The following CMTM4 variants were observed in gnomAD, a reference collection of about 807,000 sequenced individuals.
CMTM4 encodes CKLF-like MARVEL transmembrane domain-containing protein 4.
In CMTM4, 8 loss-of-function variants were observed where a neutral mutation model predicts 19.0. The ratio of observed to expected loss-of-function variants is 0.42; its 90% CI spans 0.25 to 0.76. The LOEUF is 0.76. Among genes scored for constraint, CMTM4 ranks in the 30% least tolerant of loss-of-function variants. The pLI is 0.27. For synonymous variants in CMTM4, 106 were observed against 121.1 expected, an observed-to-expected ratio of 0.88 and a Z score of 0.82; for missense variants, 228 against 290.2, an observed-to-expected ratio of 0.79 and a Z score of 1.56.
the CMTM4 span, chr16:66,604,448 G>A: frequency 1.1e-5 from 2 of 184,982 alleles, no homozygotes; most frequent in African/African-American, 2.3e-5. Context: ...CGGAGACAGC[G>A]AGTATAGACA....
In CMTM4 at chr16:66,679,962, C is replaced by T. The variant is rs150806300; in HGVS notation, c.186+16378G>A. ...GACTGCACAGCTCCCCACCAGCTAG[C>T]CAGTTATTGACCCCAATAGGCTTCT... On this transcript the variant is annotated intron_variant, in intron 1 of 3. Transcript: ENST00000394106. Among the ~76,000 whole-genome samples the T allele has an allele frequency of 5.0e-4, 76 of 152,272 alleles. 1 individual carries two copies. In the East Asian group the frequency reaches 0.014, roughly 29 times the overall value.
chr16:66,652,506 T>C (rs186781173), intron 1 of CMTM4, among the ~76,000 whole-genome samples: 1 of 152,362 alleles, frequency 6.6e-6, no homozygotes, highest in Admixed American at 6.5e-5. Context: ...TATTTTGGAA[T>C]TCTAAAGCCA....
intron 1 of CMTM4, among the ~76,000 whole-genome samples, chr16:66,671,206 AC>A: frequency 6.6e-6 from 1 of 152,178 alleles, no homozygotes; most frequent in Admixed American, 6.6e-5. Flanking sequence ...AAGACACTTC[AC>A]CAGATGTGCG....
chr16:66,683,145 ATG>A (rs1567432030), intron 1 of CMTM4, among the ~76,000 whole-genome samples: 29 of 127,574 alleles, frequency 2.3e-4, no homozygotes, highest in Admixed American at 7.1e-4. Flanking sequence ...ATATATATAT[ATG>A]TATATATATA....
chr16:66,628,994 G>A (rs1368722789), intron 2 of CMTM4, among the ~76,000 whole-genome samples: 1 of 152,008 alleles, frequency 6.6e-6, no homozygotes, highest in Non-Finnish European at 1.5e-5. Flanking sequence ...TTATCTTCTA[G>A]TTTTTGGGGT....
In CMTM4 at chr16:66,620,629, T is replaced by A; in HGVS notation, c.*1429A>T. On this transcript the variant is annotated 3_prime_UTR_variant, in exon 4 of 4. Coordinates refer to ENST00000394106, the MANE Select transcript of CMTM4 (RefSeq NM_181521.3). ...ATTACACAGTACGCTGCTAAAGCTG[T>A]CAACATTTGTCAGCACTTGATCTTG... 1.0e-6 allele frequency: 1 copy of A among 985,730 alleles called. No individual in the cohort carries two copies. The highest frequency in any genetic ancestry group is 1.2e-6 in the Non-Finnish European group (1 of 829,928). 61.1% of individuals were successfully genotyped at this position (985,730 alleles called of 1,614,324 possible).
intron 1 of CMTM4, among the ~76,000 whole-genome samples, chr16:66,678,741 A>C (rs185741353): frequency 6.6e-6 from 1 of 152,336 alleles, no homozygotes; most frequent in Non-Finnish European, 1.5e-5. Flanking sequence ...GGCTGGTTGT[A>C]ATGTCCTACT....
Position 66,622,319 on chromosome 16 carries a change from G to T in CMTM4, c.463-97C>A. The T allele has an allele frequency of 7.4e-7, 1 of 1,351,472 alleles. No homozygotes were observed. 83.7% of individuals were successfully genotyped at this position (1,351,472 alleles called of 1,614,324 possible). On this transcript the variant is annotated intron_variant, in intron 3 of 3. Transcript: ENST00000394106. This position sits in a 1 kb window ranked among gnomAD's most constrained non-coding sequence, Gnocchi z 4.0. ...GCCACATGCAGCCCCTTCCTGCTCT[G>T]CCAGCTGATCATTACAACCCTGTGC...
rs2015567326 is a variant in CMTM4, at chr16:66,618,486, G to T, written c.*3572C>A. The stretch of plus-strand genomic sequence containing the variant: ...CCCACAGAAAATCTGGCACAGAAAG[G>T]GATTAGACCTCAGTCCACCTCTCAG... On this transcript the variant is annotated 3_prime_UTR_variant, in exon 4 of 4. Transcript: ENST00000394106. 2 of 985,330 alleles carry T rather than the reference G, an allele frequency of 2.0e-6. No individual in the cohort carries two copies. The highest frequency in any genetic ancestry group is 2.4e-6 in the Non-Finnish European group (2 of 829,964). The allele number at this position is 985,330 out of a possible 1,614,324, so 61.0% of individuals were successfully genotyped here. A position where few individuals can be genotyped will look rare whatever the true frequency, so the allele number is the denominator to read the frequency against.
chr16:66,662,240 C>T (rs532563908), intron 1 of CMTM4, among the ~76,000 whole-genome samples: 29 of 152,326 alleles, frequency 1.9e-4, no homozygotes, highest in Admixed American at 1.8e-3. Flanking sequence ...TTTCAGGACA[C>T]TGAAAAACAA....
chr16:66,689,513 G>A (rs1040154716), intron 1 of CMTM4, among the ~76,000 whole-genome samples: 5 of 152,228 alleles, frequency 3.3e-5, no homozygotes, highest in Admixed American at 3.3e-4. Flanking sequence ...CTGGGCTCAA[G>A]CAATTCTCCC....
At chr16:66,649,215 T>C (rs1336885912) in intron 1 of CMTM4, among the ~76,000 whole-genome samples, 3 of 152,148 alleles carry the variant, frequency 2.0e-5, no homozygotes, top group African/African-American at 7.2e-5. Flanking sequence ...TGAGACCCTG[T>C]CTCTTAAAAA....
chr16:66,629,493 G>T (rs975953511), intron 2 of CMTM4, among the ~76,000 whole-genome samples: 1 of 152,108 alleles, frequency 6.6e-6, no homozygotes, highest in African/African-American at 2.4e-5. Flanking sequence ...GAGGAAACTG[G>T]GTCCCAGAAA....
At chr16:66,655,653 T>C (rs2016386126) in intron 1 of CMTM4, among the ~76,000 whole-genome samples, 1 of 151,688 alleles carries the variant, frequency 6.6e-6, no homozygotes, top group African/African-American at 2.4e-5. Flanking sequence ...CATTTTTCAC[T>C]TAAAGGAAGC....
intron 2 of CMTM4, among the ~76,000 whole-genome samples, chr16:66,633,106 T>A (rs991046811): frequency 1.5e-4 from 20 of 129,636 alleles, no homozygotes; most frequent in Middle Eastern, 3.7e-3. Flanking sequence ...TATATAAATA[T>A]ATATATATAT....
chr16:66,608,475 G>A, the CMTM4 span: 4 of 1,613,256 alleles, frequency 2.5e-6, no homozygotes, highest in Non-Finnish European at 3.4e-6. This position sits in a 1 kb window ranked among gnomAD's most constrained non-coding sequence, Gnocchi z 5.1. Flanking sequence ...GTGAGGACAG[G>A]GGCCCCAGGA....
In CMTM4 at chr16:66,642,707, C is replaced by G. The variant is rs2016117648; in HGVS notation, c.187-6126G>C. ...CTCCAGCCTGGGTGACGAAGGGAGACTTCATCACCAAAACAAACAAACGAA... is the reference window on the plus strand; with the variant it reads ...CTCCAGCCTGGGTGACGAAGGGAGAGTTCATCACCAAAACAAACAAACGAA... On this transcript the variant is annotated intron_variant, in intron 1 of 3. Coordinates refer to ENST00000394106, the MANE Select transcript of CMTM4 (RefSeq NM_181521.3). 2.6e-5 allele frequency among the ~76,000 whole-genome samples: 4 copies of G among 152,096 alleles called. No individual in the cohort carries two copies. In the South Asian group the frequency reaches 8.3e-4, roughly 32 times the overall value.
Position 66,636,398 on chromosome 16 carries a change from T to C in CMTM4, c.363+7A>G, listed in dbSNP as rs2015991360. The C allele has an allele frequency of 6.2e-7, 1 of 1,613,132 alleles. No individual in the cohort carries two copies. The highest frequency in any genetic ancestry group is 8.5e-7 in the Non-Finnish European group (1 of 1,179,264). On this transcript the variant is annotated splice_region_variant and intron_variant, in intron 2 of 3. Coordinates refer to ENST00000394106, the MANE Select transcript of CMTM4 (RefSeq NM_181521.3). ...CTTTCATGGCCAGAGTGGCCGCTTG[T>C]ACTCACTGTCAGATTCCAGTTGATC...
chr16:66,627,685 T>C (rs2015769911), intron 2 of CMTM4, among the ~76,000 whole-genome samples: 1 of 152,186 alleles, frequency 6.6e-6, no homozygotes, highest in Non-Finnish European at 1.5e-5. Flanking sequence ...GGACATTTCA[T>C]ACAAATAGAA....
Sources: allele counts gnomAD v4.1 joint callset (sites outside exome capture counted in the v4.1 genomes callset), GRCh38; gene constraint gnomAD v4.1.1; non-coding constraint Gnocchi (gnomAD v3.1); transcripts MANE v1.5; gene names NCBI Gene and HGNC (gene_info 2026-07-23, HGNC 2026-07-21).